GNA11: variants seen among roughly 807,000 people sequenced by gnomAD.
GNA11 encodes the protein guanine nucleotide-binding protein subunit alpha-11.
A neutral mutation model predicts 38.2 loss-of-function variants in GNA11; 8 were observed. That is an observed-to-expected ratio of 0.21 (90% CI 0.12 to 0.38). The LOEUF is 0.38. GNA11 is among the 10% of genes least tolerant of loss of function. GNA11 has a pLI of 1.00. For missense variants in GNA11, 268 were observed against 516.3 expected (o/e 0.52, Z 4.66); for synonymous variants, 211 against 221.4 (o/e 0.95, Z 0.42).
At chr19:3,106,958 C>T (rs549922775) in intron 1 of GNA11, among the ~76,000 whole-genome samples, 38 of 152,190 alleles carry the variant, frequency 2.5e-4, no homozygotes, top group Non-Finnish European at 5.1e-4. Context: ...CAAAACAGGC[C>T]GGGCGCGGTG....
intron 3 of GNA11, among the ~76,000 whole-genome samples, chr19:3,114,517 T>G (rs955024477): frequency 4.6e-5 from 7 of 152,090 alleles, no homozygotes; most frequent in African/African-American, 1.4e-4. Flanking sequence ...CTCTGCAGCC[T>G]CTGCAGCTGC....
chr19:3,114,908 C>A (rs370252647), intron 3 of GNA11, 36 bp from the exon 4 acceptor site: 2 of 1,571,124 alleles, frequency 1.3e-6, no homozygotes, highest in African/African-American at 1.3e-5. Flanking sequence ...CCCCCACCCC[C>A]GGCAGCCGGC....
intron 2 of GNA11, among the ~76,000 whole-genome samples, chr19:3,112,313 C>G (rs1350699632): frequency 6.6e-6 from 1 of 152,116 alleles, no homozygotes; most frequent in Admixed American, 6.5e-5. Context: ...AGTCGGAGTC[C>G]GGGGCAGGGA....
rs375463765 is a variant in GNA11, at chr19:3,119,322, G to A, written c.852G>A (p.Leu284=). 7.4e-6 allele frequency: 12 copies of A among 1,613,738 alleles called. No homozygotes were observed. The East Asian group carries it at 1.1e-4, about 15-fold the overall frequency. Residue 284 remains leucine (L), a synonymous_variant, in exon 6 of 7, where the codon CTG becomes CTA. Coordinates refer to ENST00000078429, the MANE Select transcript of GNA11 (RefSeq NM_002067.5). The surrounding 1 kb of genome is among the most constrained non-coding windows in gnomAD (Gnocchi z 4.6). ...AGGACCTGCTGGAGGACAAGATCCT[G>A]TACTCGCACCTGGTGGACTACTTCC... is the stretch of plus-strand genomic sequence containing the variant. ...NKKDLLEDKI[L]YSHLVDYFPE...
rs757091302 is a variant in GNA11, at chr19:3,119,390, C to T, written c.889+31C>T. 29 of 1,602,380 alleles carry T rather than the reference C, an allele frequency of 1.8e-5. No homozygotes were observed. The highest frequency in any genetic ancestry group is 8.4e-5 in the Admixed American group (5 of 59,538). On this transcript the variant is annotated intron_variant, in intron 6 of 6. Transcript: ENST00000078429. The surrounding 1 kb of genome is among the most constrained non-coding windows in gnomAD (Gnocchi z 4.6). ...CCGGGCTGCGGCATGGGGAGGGGCT[C>T]GCGGGCAGGGCCTTACTGGGGGGAG...
Position 3,123,925 on chromosome 19 carries a change from C to T in GNA11, c.*2746C>T, listed in dbSNP as rs1389401674. On this transcript the variant is annotated 3_prime_UTR_variant, in exon 7 of 7. Transcript: ENST00000078429. The stretch of plus-strand genomic sequence containing the variant: ...CGGCCCTGACCCTTAATCCAGACAC[C>T]GATGGAAGTCGACTTTTCATATCTT... The T allele has an allele frequency of 1.3e-5, 3 of 231,628 alleles. No individual in the cohort carries two copies. Among genetic ancestry groups the T allele is most frequent in the Middle Eastern group, 1.3e-3 (1 of 782 alleles). The allele number at this position is 231,628 out of a possible 1,614,324, so 14.3% of individuals were successfully genotyped here.
At chr19:3,097,605 G>T (rs1599295010) in intron 1 of GNA11, among the ~76,000 whole-genome samples, 1 of 152,360 alleles carries the variant, frequency 6.6e-6, no homozygotes, top group Non-Finnish European at 1.5e-5. Context: ...CCTCCCTGGG[G>T]CTGCACACGG....
intron 1 of GNA11, among the ~76,000 whole-genome samples, chr19:3,104,100 G>A (rs1913576881): frequency 2.0e-5 from 3 of 152,266 alleles, no homozygotes; most frequent in Admixed American, 6.5e-5. Flanking sequence ...GATTACAGGC[G>A]TGAGCCACCG....
chr19:3,121,301 A>G lies in GNA11; in HGVS notation c.*122A>G. ...CCGGGGCCTCTGCCCGCGGGAGGAGATTTTTTTTTTTCATATTTTTAACAA... is the reference window on the plus strand; with the variant it reads ...CCGGGGCCTCTGCCCGCGGGAGGAGGTTTTTTTTTTTCATATTTTTAACAA... On this transcript the variant is annotated 3_prime_UTR_variant, in exon 7 of 7. Coordinates refer to ENST00000078429, the MANE Select transcript of GNA11 (RefSeq NM_002067.5). The G allele has an allele frequency of 1.9e-6, 1 of 534,104 alleles. No homozygotes were observed. The highest frequency in any genetic ancestry group is 2.6e-5 in the South Asian group (1 of 38,978). The allele number at this position is 534,104 out of a possible 1,614,324, so 33.1% of individuals were successfully genotyped here.
chr19:3,101,868 C>T (rs920821225), intron 1 of GNA11, among the ~76,000 whole-genome samples: 3 of 152,130 alleles, frequency 2.0e-5, no homozygotes, highest in African/African-American at 4.8e-5. Context: ...CCGAGTCAGG[C>T]AGATCACTCA....
Position 3,108,959 on chromosome 19 carries a change from C to T in GNA11, c.137-1190C>T, listed in dbSNP as rs1913700305. 6.6e-6 allele frequency among the ~76,000 whole-genome samples: 1 copy of T among 152,226 alleles called. No individual in the cohort carries two copies. Among genetic ancestry groups the T allele is most frequent in the Admixed American group, 6.5e-5 (1 of 15,282 alleles). ...AGGGTCCTCACAGCGTGGCGGCTGC[C>T]TACCCCAGAGCCCCTGACCCGAGAC... On this transcript the variant is annotated intron_variant, in intron 1 of 6. Transcript: ENST00000078429. The surrounding 1 kb of genome is among the most constrained non-coding windows in gnomAD (Gnocchi z 4.5).
In GNA11 at chr19:3,108,564, C is replaced by T. The variant is rs990118181; in HGVS notation, c.137-1585C>T. ...GGGGCATGCTGGGAGGGGGCGGTGA[C>T]GCTTGAGTCTCTAGGGCACCGGGGG... On this transcript the variant is annotated intron_variant, in intron 1 of 6. Coordinates refer to ENST00000078429, the MANE Select transcript of GNA11 (RefSeq NM_002067.5). This position sits in a 1 kb window ranked among gnomAD's most constrained non-coding sequence, Gnocchi z 4.5. 5.9e-5 allele frequency among the ~76,000 whole-genome samples: 9 copies of T among 151,874 alleles called. No homozygotes were observed. The highest frequency in any genetic ancestry group is 1.9e-4 in the East Asian group (1 of 5,172).
Position 3,121,701 on chromosome 19 carries a change from G to A in GNA11, c.*522G>A, listed in dbSNP as rs79137555. 5,246 of 232,782 alleles carry A rather than the reference G, an allele frequency of 0.023. 74 individuals are homozygous for A. The highest frequency in any genetic ancestry group is 0.044 in the African/African-American group (2,011 of 45,348). 14.4% of individuals were successfully genotyped at this position (232,782 alleles called of 1,614,324 possible). A position where few individuals can be genotyped will look rare whatever the true frequency, so the allele number is the denominator to read the frequency against. ...AAGGCGTGGAGACTCGGAGACGGAC[G>A]TTTTTCCCCTTTTTTAAGTTATTGA... On this transcript the variant is annotated 3_prime_UTR_variant, in exon 7 of 7. Coordinates refer to ENST00000078429, the MANE Select transcript of GNA11 (RefSeq NM_002067.5).
chr19:3,112,327 T>C (rs1913793542), intron 2 of GNA11, among the ~76,000 whole-genome samples: 1 of 152,078 alleles, frequency 6.6e-6, no homozygotes, highest in African/African-American at 2.4e-5. Flanking sequence ...GCAGGGAGCG[T>C]TGCTCAGAGG....
At position 3,094,766 on chromosome 19, in the gene GNA11, G is replaced by C. The variant is rs2145300421; in HGVS notation, c.115G>C (p.Glu39Gln). The change falls in exon 1 of 7, where the codon GAG (glutamate) becomes CAG (glutamine). Residue 39 changes from glutamate (E) to glutamine (Q), a missense_variant. Glu to Gln is a conservative substitution (Grantham distance 29). Around this residue, in one of 3 missense-constraint regions of GNA11, gnomAD observed 151 missense variants for 254.0 expected, o/e 0.59. Coordinates refer to ENST00000078429, the MANE Select transcript of GNA11 (RefSeq NM_002067.5). The surrounding 1 kb of genome is among the most constrained non-coding windows in gnomAD (Gnocchi z 6.0). Reference sequence around the variant, plus strand: ...GCGGGACAAGCGCGACGCCCGGCGCGAGCTCAAGCTGCTGCTGCTCGGTGA... The same window carrying C: ...GCGGGACAAGCGCGACGCCCGGCGCCAGCTCAAGCTGCTGCTGCTCGGTGA... ...LRRDKRDARR[E>Q]LKLLLLGTGE... 4 of 1,586,286 alleles carry C rather than the reference G, an allele frequency of 2.5e-6. No homozygotes were observed. Among genetic ancestry groups the C allele is most frequent in the Non-Finnish European group, 2.6e-6 (3 of 1,168,506 alleles).
chr19:3,099,957 G>A (rs950204376), intron 1 of GNA11, among the ~76,000 whole-genome samples: 1 of 152,194 alleles, frequency 6.6e-6, no homozygotes, highest in African/African-American at 2.4e-5. Context: ...GGGCGGTGGG[G>A]TGAGGACTCG....
In GNA11 at chr19:3,123,591, G is replaced by A. The variant is rs868091884; in HGVS notation, c.*2412G>A. 6 of 233,004 alleles carry A rather than the reference G, an allele frequency of 2.6e-5. No individual in the cohort carries two copies. Among genetic ancestry groups the A allele is most frequent in the African/African-American group, 4.4e-5 (2 of 45,336 alleles). 14.4% of individuals were successfully genotyped at this position (233,004 alleles called of 1,614,324 possible). ...CACCTTCTCCGACCATGTTACGCCCGGGCGGCAGCAGCCCCCGGCCACTGC... is the reference window on the plus strand; with the variant it reads ...CACCTTCTCCGACCATGTTACGCCCAGGCGGCAGCAGCCCCCGGCCACTGC... On this transcript the variant is annotated 3_prime_UTR_variant, in exon 7 of 7. Coordinates refer to ENST00000078429, the MANE Select transcript of GNA11 (RefSeq NM_002067.5).
Position 3,094,786 on chromosome 19 carries a change from C to T in GNA11, c.135C>T (p.Leu45=), listed in dbSNP as rs371875148. 2.1e-5 allele frequency: 33 copies of T among 1,577,362 alleles called. No homozygotes were observed. The South Asian group carries it at 2.8e-4, about 13-fold the overall frequency. The part of the protein sequence containing the change: ...DARRELKLLL[L]GTGESGKSTF... ...GGCGCGAGCTCAAGCTGCTGCTGCT[C>T]GGTGAGTGCGGCCCCCGGGCCTGCC... Residue 45 remains leucine (L), a splice_region_variant and synonymous_variant, in exon 1 of 7, where the codon CTC becomes CTT. Transcript: ENST00000078429. The surrounding 1 kb of genome is among the most constrained non-coding windows in gnomAD (Gnocchi z 6.0).
chr19:3,104,650 C>T lies in GNA11; in HGVS notation c.137-5499C>T, dbSNP rs746004033. 1.5e-4 allele frequency among the ~76,000 whole-genome samples: 23 copies of T among 152,192 alleles called. 1 individual carries two copies. The highest frequency in any genetic ancestry group is 2.8e-4 in the Non-Finnish European group (19 of 68,048). On this transcript the variant is annotated intron_variant, in intron 1 of 6. Coordinates refer to ENST00000078429, the MANE Select transcript of GNA11 (RefSeq NM_002067.5). Reference sequence around the variant, plus strand: ...CAGCACTGTGGACCAGGGCCAGGTTCATTTGGTTCGCTCAGGAAACATGTA... The same window carrying T: ...CAGCACTGTGGACCAGGGCCAGGTTTATTTGGTTCGCTCAGGAAACATGTA...
Sources: gnomAD v4.1 joint callset for allele counts (sites outside exome capture counted in the v4.1 genomes callset) on GRCh38, gnomAD v4.1.1 for gene constraint, gnomAD v4.1.1 regional missense constraint, Gnocchi (gnomAD v3.1) non-coding constraint, MANE v1.5 for transcripts, NCBI Gene and HGNC (gene_info 2026-07-23, HGNC 2026-07-21) for gene names.